The following LIMK1 variants were observed in gnomAD, a reference collection of about 807,000 sequenced individuals.
LIMK1 encodes the protein LIM motif-containing protein kinase.
A neutral mutation model predicts 77.6 loss-of-function variants in LIMK1; 21 were observed. That is an observed-to-expected ratio of 0.27 (90% confidence interval 0.19 to 0.39). The LOEUF (loss-of-function observed/expected upper bound fraction) is 0.39. LIMK1 is among the 10% of genes least tolerant of loss of function. The pLI is 1.00. For missense variants in LIMK1, 696 were observed against 901.6 expected (o/e 0.77, Z 2.92); for synonymous variants, 358 against 370.0 (o/e 0.97, Z 0.37).
intron 1 of LIMK1, among the ~76,000 whole-genome samples, chr7:74,085,444 T>G (rs1360754523): frequency 3.3e-5 from 5 of 152,192 alleles, no homozygotes; most frequent in Non-Finnish European, 5.9e-5. Context: ...GCTTCCTTTC[T>G]CCTCATTTAC....
intron 2 of LIMK1, among the ~76,000 whole-genome samples, chr7:74,090,803 C>T (rs1315469335): frequency 6.6e-6 from 1 of 152,200 alleles, no homozygotes; most frequent in Non-Finnish European, 1.5e-5. Flanking sequence ...TCTGCATGCC[C>T]CTCCCAGTGG....
intron 1 of LIMK1, among the ~76,000 whole-genome samples, chr7:74,085,445 C>A (rs1294807447): frequency 6.6e-6 from 1 of 152,236 alleles, no homozygotes; most frequent in Non-Finnish European, 1.5e-5. Flanking sequence ...CTTCCTTTCT[C>A]CTCATTTACC....
rs1554697687 is a variant in LIMK1, at chr7:74,107,004, C to T, written c.882-6C>T. 1 of 1,573,132 alleles carries T rather than the reference C, an allele frequency of 6.4e-7. No individual in the cohort carries two copies. The highest frequency in any genetic ancestry group is 1.2e-5 in the South Asian group (1 of 85,556). ...GGTGGCACTTGGCACCATGTGTGCCCCCCAGGAGGAGCTGCAGCATCGACA... is the reference window on the plus strand; with the variant it reads ...GGTGGCACTTGGCACCATGTGTGCCTCCCAGGAGGAGCTGCAGCATCGACA... On this transcript the variant is annotated splice_polypyrimidine_tract_variant and splice_region_variant and intron_variant, in intron 7 of 15. Coordinates refer to ENST00000336180, the MANE Select transcript of LIMK1 (RefSeq NM_002314.4).
At chr7:74,084,242 C>G (rs1006863283) in intron 1 of LIMK1, among the ~76,000 whole-genome samples, 197 bp downstream of exon 1, 5 of 152,018 alleles carry the variant, frequency 3.3e-5, no homozygotes, top group Non-Finnish European at 7.4e-5. Flanking sequence ...GCGAGCTGCC[C>G]TCCTGCGGGT....
Position 74,085,926 on chromosome 7 carries a change from C to T in LIMK1, c.152+82C>T, listed in dbSNP as rs527254599. The T allele has an allele frequency of 1.6e-4, 157 of 983,588 alleles. No individual in the cohort carries two copies. The African/African-American group carries it at 2.3e-3, about 14-fold the overall frequency. The allele number at this position is 983,588 out of a possible 1,614,324, so 60.9% of individuals were successfully genotyped here. Reference sequence around the variant, plus strand: ...AGGCTGGTCAAGGAATGGGGGAGGCCGGGATATGCCTCCTGGTGCCGTCCC... The same window carrying T: ...AGGCTGGTCAAGGAATGGGGGAGGCTGGGATATGCCTCCTGGTGCCGTCCC... On this transcript the variant is annotated intron_variant, in intron 2 of 15. Coordinates refer to ENST00000336180, the MANE Select transcript of LIMK1 (RefSeq NM_002314.4).
At chr7:74,084,871 C>T (rs913492766) in intron 1 of LIMK1, among the ~76,000 whole-genome samples, 1 of 152,100 alleles carries the variant, frequency 6.6e-6, no homozygotes, top group Admixed American at 6.6e-5. Flanking sequence ...TCCACACCTC[C>T]CCCTGCCACC....
At chr7:74,117,496 C>A (rs150775320) in intron 13 of LIMK1, among the ~76,000 whole-genome samples, 2 of 152,250 alleles carry the variant, frequency 1.3e-5, no homozygotes, top group African/African-American at 4.8e-5. Flanking sequence ...CTGCCTCCCA[C>A]AGGGTCTGCT....
intron 2 of LIMK1, among the ~76,000 whole-genome samples, chr7:74,086,804 G>A (rs1799145298): frequency 6.6e-6 from 1 of 152,162 alleles, no homozygotes; most frequent in African/African-American, 2.4e-5. Flanking sequence ...TGCCTTCTGG[G>A]TGTTCATGCT....
intron 3 of LIMK1, 85 bp from the exon 4 acceptor site, chr7:74,096,995 C>T: frequency 1.7e-6 from 2 of 1,162,878 alleles, no homozygotes; most frequent in Non-Finnish European, 2.5e-6. Context: ...TTTTTGGTGA[C>T]ACCCTTGGAA....
chr7:74,102,645 G>A (rs950859835), intron 5 of LIMK1, among the ~76,000 whole-genome samples: 2 of 151,134 alleles, frequency 1.3e-5, no homozygotes, highest in Non-Finnish European at 2.9e-5. Flanking sequence ...CACCACGCCT[G>A]GCTAGGCATT....
In LIMK1 at chr7:74,083,964, C is replaced by G; in HGVS notation, c.-27C>G. 2 of 1,229,454 alleles carry G rather than the reference C, an allele frequency of 1.6e-6. No homozygotes were observed. The highest frequency in any genetic ancestry group is 2.1e-6 in the Non-Finnish European group (2 of 946,346). 76.2% of individuals were successfully genotyped at this position (1,229,454 alleles called of 1,614,324 possible). ...GCCCGGCCGCCCCCAGCCCCAGCCC[C>G]GCCGGGCCCCGCCCCCCGTCGAGTG... is the stretch of plus-strand genomic sequence containing the variant. On this transcript the variant is annotated 5_prime_UTR_variant, in exon 1 of 16. Coordinates refer to ENST00000336180, the MANE Select transcript of LIMK1 (RefSeq NM_002314.4).
At chr7:74,112,555 C>T (rs1483164386) in intron 12 of LIMK1, among the ~76,000 whole-genome samples, 1 of 152,146 alleles carries the variant, frequency 6.6e-6, no homozygotes, top group Non-Finnish European at 1.5e-5. Context: ...TGGCTCACAC[C>T]TACAATCCCA....
intron 5 of LIMK1, among the ~76,000 whole-genome samples, chr7:74,101,487 A>G (rs1254280783): frequency 6.6e-6 from 1 of 152,188 alleles, no homozygotes; most frequent in Non-Finnish European, 1.5e-5. Flanking sequence ...AGCTTGGGCG[A>G]CAGAGCGAGA....
chr7:74,115,517 GGGTCCGCCACGAC>G, intron 12 of LIMK1: 1 of 387,364 alleles, frequency 2.6e-6, no homozygotes, highest in Non-Finnish European at 4.7e-6. Context: ...AGGGAGCAGT[GGGTCCGCCACGAC>G]GGTCTGGGGA....
rs782520475 is a variant in LIMK1, at chr7:74,106,960, C to T, written c.882-50C>T. On this transcript the variant is annotated intron_variant, in intron 7 of 15. Coordinates refer to ENST00000336180, the MANE Select transcript of LIMK1 (RefSeq NM_002314.4). ...GAGGAGGAAGGGGCAGGGCCTTGGC[C>T]GGGTGCTACCTGTCCCCCGGTGGCA... The T allele has an allele frequency of 3.5e-5, 52 of 1,485,970 alleles. No homozygotes were observed. The East Asian group carries it at 5.1e-4, about 15-fold the overall frequency. 92.0% of individuals were successfully genotyped at this position (1,485,970 alleles called of 1,614,324 possible).
rs1799937278 is a variant in LIMK1, at chr7:74,121,397, A to T, written c.*96A>T. ...GTGGCCCTCAGCTGGGACAGTGGGG[A>T]CCCAGGCTTCTCCTCAGAGCCAGGC... On this transcript the variant is annotated 3_prime_UTR_variant, in exon 16 of 16. Coordinates refer to ENST00000336180, the MANE Select transcript of LIMK1 (RefSeq NM_002314.4). 2 of 1,249,446 alleles carry T rather than the reference A, an allele frequency of 1.6e-6. No homozygotes were observed. The highest frequency in any genetic ancestry group is 5.1e-5 in the East Asian group (2 of 38,900). The allele number at this position is 1,249,446 out of a possible 1,614,324, so 77.4% of individuals were successfully genotyped here. A position where few individuals can be genotyped will look rare whatever the true frequency, so the allele number is the denominator to read the frequency against.
intron 7 of LIMK1, among the ~76,000 whole-genome samples, 181 bp from the exon 8 acceptor site, chr7:74,106,829 G>A (rs1426915173): frequency 6.6e-6 from 1 of 152,222 alleles, no homozygotes; most frequent in African/African-American, 2.4e-5. Flanking sequence ...CTAGAGCCAG[G>A]ATAGGCCGAG....
chr7:74,094,834 A>G (rs933577827), intron 2 of LIMK1, among the ~76,000 whole-genome samples: 1 of 147,134 alleles, frequency 6.8e-6, no homozygotes, highest in South Asian at 2.1e-4. Context: ...TGCCACCGCC[A>G]CCACCTCCGG....
chr7:74,085,260 C>T (rs1799114054), intron 1 of LIMK1, among the ~76,000 whole-genome samples: 1 of 152,244 alleles, frequency 6.6e-6, no homozygotes, highest in Non-Finnish European at 1.5e-5. Context: ...AGGGCCGGCA[C>T]CTCCAGGCTT....
Sources: gnomAD v4.1 joint callset for allele counts (sites outside exome capture counted in the v4.1 genomes callset) on GRCh38, gnomAD v4.1.1 for gene constraint, MANE v1.5 for transcripts, NCBI Gene and HGNC (gene_info 2026-07-23, HGNC 2026-07-21) for gene names.